Variants in CACNA1E observed in about 807,000 individuals in gnomAD.
The protein encoded by CACNA1E is calcium voltage-gated channel subunit alpha1 E.
CACNA1E carries 40 observed loss-of-function variants against 259.2 expected under a neutral mutation model. The observed-to-expected ratio is 0.15, with a 90% CI of 0.12 to 0.20. CACNA1E has a LOEUF of 0.20. CACNA1E is among the 10% of genes least tolerant of loss of function. The pLI is 1.00. For missense variants in CACNA1E, 1,874 were observed against 3,040.1 expected (o/e 0.62, Z 9.02); for synonymous variants, 1,104 against 1,138.5 (o/e 0.97, Z 0.61).
intron 3 of CACNA1E, among the ~76,000 whole-genome samples, chr1:181,521,164 A>T (rs1666966996): frequency 6.6e-6 from 1 of 152,172 alleles, no homozygotes; most frequent in South Asian, 2.1e-4. Context: ...CCAGCACTGG[A>T]ACAGTGACTA....
chr1:181,349,969 T>C (rs1197624707), intron 1 of CACNA1E, among the ~76,000 whole-genome samples: 1 of 152,146 alleles, frequency 6.6e-6, no homozygotes, highest in Non-Finnish European at 1.5e-5. Flanking sequence ...ACTTCTGAGA[T>C]ATTCTGGGTA....
intron 3 of CACNA1E, among the ~76,000 whole-genome samples, chr1:181,562,650 A>T (rs960594246): frequency 6.6e-6 from 1 of 152,218 alleles, no homozygotes; most frequent in Non-Finnish European, 1.5e-5. Context: ...TAAGAGTTGA[A>T]GAGAAAGATT....
chr1:181,362,319 T>C (rs148110334), intron 1 of CACNA1E, among the ~76,000 whole-genome samples: 10 of 152,338 alleles, frequency 6.6e-5, no homozygotes, highest in African/African-American at 2.4e-4. Context: ...AATGGAAGAA[T>C]GGACTGGTAT....
chr1:181,568,704 C>T (rs1233237686), intron 3 of CACNA1E, among the ~76,000 whole-genome samples: 1 of 152,108 alleles, frequency 6.6e-6, no homozygotes, highest in Non-Finnish European at 1.5e-5. Context: ...TGTGATTCTC[C>T]CACCTCAGCC....
intron 7 of CACNA1E, among the ~76,000 whole-genome samples, chr1:181,656,463 A>C (rs1481766465): frequency 1.3e-5 from 2 of 152,254 alleles, no homozygotes; most frequent in Non-Finnish European, 2.9e-5. Flanking sequence ...GTAAGGAAAG[A>C]AAATATATTT....
At chr1:181,325,694 AT>A (rs1650726267) in intron 1 of CACNA1E, among the ~76,000 whole-genome samples, 1 of 151,140 alleles carries the variant, frequency 6.6e-6, no homozygotes, top group Non-Finnish European at 1.5e-5. Flanking sequence ...TTATTGAATT[AT>A]TTTTGGTGTG....
At chr1:181,450,002 G>A (rs920260373) in intron 2 of CACNA1E, among the ~76,000 whole-genome samples, 2 of 152,148 alleles carry the variant, frequency 1.3e-5, no homozygotes, top group Admixed American at 6.5e-5. Context: ...AGGTTTAATT[G>A]ACTCACAGTT....
At chr1:181,507,916 C>A (rs1310859812) in intron 1 of CACNA1E, among the ~76,000 whole-genome samples, 1 of 152,124 alleles carries the variant, frequency 6.6e-6, no homozygotes, top group Non-Finnish European at 1.5e-5. Flanking sequence ...CTGTTGTGAA[C>A]ACTTTTGTTA....
At chr1:181,736,464 A>G (rs1301539570) in intron 22 of CACNA1E, 30 bp downstream of exon 22, 15 of 1,596,978 alleles carry the variant, frequency 9.4e-6, no homozygotes, top group Non-Finnish European at 1.2e-5. Context: ...CTCCCTCTTT[A>G]GTGCTAGGGT....
At chr1:181,580,138 C>T (rs1651380286) in intron 5 of CACNA1E, among the ~76,000 whole-genome samples, 2 of 152,112 alleles carry the variant, frequency 1.3e-5, no homozygotes, top group African/African-American at 4.8e-5. Context: ...TTATTCAAAA[C>T]CAGGAATCCA....
chr1:181,635,067 G>A (rs1240234138), intron 6 of CACNA1E, among the ~76,000 whole-genome samples: 1 of 152,216 alleles, frequency 6.6e-6, no homozygotes, highest in Non-Finnish European at 1.5e-5. Flanking sequence ...AGCCAGATAT[G>A]TCTTCACCGC....
intron 1 of CACNA1E, among the ~76,000 whole-genome samples, chr1:181,504,283 C>A (rs186538252): frequency 6.6e-6 from 1 of 152,120 alleles, no homozygotes; most frequent in Non-Finnish European, 1.5e-5. Context: ...TCTATACCCC[C>A]CCAGGAGTTT....
intron 18 of CACNA1E, among the ~76,000 whole-genome samples, chr1:181,729,235 C>T (rs1655232873): frequency 6.6e-6 from 1 of 151,344 alleles, no homozygotes; most frequent in African/African-American, 2.4e-5. Flanking sequence ...GCTGTGTGTG[C>T]CCTGCACAGA....
chr1:181,736,526 G>A (rs1041306905), intron 22 of CACNA1E, 92 bp downstream of exon 22: 2 of 1,196,674 alleles, frequency 1.7e-6, no homozygotes, highest in South Asian at 1.5e-5. Context: ...AAGGATGGGG[G>A]CCCAGCCATC....
chr1:181,733,711 C>A lies in CACNA1E; in HGVS notation c.3223C>A (p.Pro1075Thr). Reference protein sequence around the residue: ...TESTSVTVAIPDVDPLVDSTV... With the variant: ...TESTSVTVAITDVDPLVDSTV... ...GAGCACCAGCGTCACCGTCGCCATC[C>A]CCGACGTGGACCCCTTGGTGGACTC... Residue 1075 changes from proline to threonine, a missense_variant, in exon 21 of 48, where the codon CCC (proline) becomes ACC (threonine). Physicochemically the swap from Pro to Thr is conservative, Grantham distance 38. Coordinates refer to ENST00000367573, the MANE Select transcript of CACNA1E (RefSeq NM_001205293.3). 2 of 1,587,364 alleles carry A rather than the reference C, an allele frequency of 1.3e-6. No homozygotes were observed. Among genetic ancestry groups the A allele is most frequent in the South Asian group, 1.2e-5 (1 of 86,640 alleles).
chr1:181,489,289 C>T (rs1571997889), intron 1 of CACNA1E, among the ~76,000 whole-genome samples: 1 of 151,860 alleles, frequency 6.6e-6, no homozygotes, highest in African/African-American at 2.4e-5. Flanking sequence ...GTCTTTTCAT[C>T]TTTCTATATT....
chr1:181,674,943 C>T (rs922022515), intron 7 of CACNA1E, among the ~76,000 whole-genome samples: 2 of 152,214 alleles, frequency 1.3e-5, no homozygotes, highest in Non-Finnish European at 2.9e-5. Flanking sequence ...ATTCCTGTTT[C>T]GATTCCTTTT....
At position 181,710,950 on chromosome 1, in the gene CACNA1E, A is replaced by G; in HGVS notation, c.1056-4A>G. The G allele has an allele frequency of 1.2e-6, 2 of 1,604,180 alleles. No homozygotes were observed. Among genetic ancestry groups the G allele is most frequent in the Non-Finnish European group, 1.7e-6 (2 of 1,171,226 alleles). On this transcript the variant is annotated splice_polypyrimidine_tract_variant and splice_region_variant and intron_variant, in intron 7 of 47. Coordinates refer to ENST00000367573, the MANE Select transcript of CACNA1E (RefSeq NM_001205293.3). The stretch of plus-strand genomic sequence containing the variant: ...CCAGTGAATCTTATCCTTCTTGTCC[A>G]CAGGGAATTTGCCAAAGAGAGAGAG...
chr1:181,386,533 C>T (rs2102017622), intron 1 of CACNA1E, among the ~76,000 whole-genome samples: 1 of 152,332 alleles, frequency 6.6e-6, no homozygotes, highest in South Asian at 2.1e-4. Flanking sequence ...GGATCAGAGC[C>T]ATCCAATAAA....
Sources: gnomAD v4.1 joint callset for allele counts (sites outside exome capture counted in the v4.1 genomes callset) on GRCh38, gnomAD v4.1.1 for gene constraint, MANE v1.5 for transcripts, NCBI Gene and HGNC (gene_info 2026-07-23, HGNC 2026-07-21) for gene names.